LYSMD2: variants seen among roughly 807,000 people sequenced by gnomAD.
The protein encoded by LYSMD2 is LysM domain containing 2.
In LYSMD2, 6 loss-of-function variants were observed where a neutral mutation model predicts 17.7. The ratio of observed to expected loss-of-function variants is 0.34; its 90% confidence interval spans 0.19 to 0.67. The LOEUF (loss-of-function observed/expected upper bound fraction) is 0.67, where lower values mean the gene tolerates loss of function less well. LYSMD2 is among the 30% of genes least tolerant of loss of function. The pLI, the probability that LYSMD2 is intolerant of heterozygous loss-of-function variation, is 0.69. For missense variants in LYSMD2, 237 were observed against 286.7 expected, an observed-to-expected ratio of 0.83 and a Z score of 1.25; for synonymous variants, 102 against 129.8, an observed-to-expected ratio of 0.79 and a Z score of 1.45.
upstream of LYSMD2, chr15:51,737,704 C>T (rs2055621222): frequency 1.9e-6 from 2 of 1,032,994 alleles, no homozygotes; most frequent in African/African-American, 1.7e-5. The surrounding 1 kb of genome is among the most constrained non-coding windows in gnomAD (Gnocchi z 4.2). Flanking sequence ...GCCGCCTCTT[C>T]CTCTTCACAG....
chr15:51,734,462 G>A (rs918383188), intron 1 of LYSMD2, among the ~76,000 whole-genome samples: 5 of 152,090 alleles, frequency 3.3e-5, no homozygotes, highest in East Asian at 1.9e-4. Flanking sequence ...CCCCCTTGTC[G>A]GAGTCTCTGT....
intron 2 of LYSMD2, 98 bp downstream of exon 2, chr15:51,724,692 G>C: frequency 4.3e-6 from 3 of 691,256 alleles, no homozygotes; most frequent in Non-Finnish European, 6.4e-6. Context: ...GAAAAGAAAA[G>C]AAAAGGCAAA....
intron 1 of LYSMD2, among the ~76,000 whole-genome samples, chr15:51,750,940 T>C (rs1222758233): frequency 1.3e-5 from 2 of 152,166 alleles, no homozygotes; most frequent in African/African-American, 4.8e-5. Context: ...AAGAACTCCC[T>C]CGGAAACCCC....
chr15:51,748,455 C>T (rs1226795850), intron 1 of LYSMD2, among the ~76,000 whole-genome samples: 2 of 152,118 alleles, frequency 1.3e-5, no homozygotes, highest in African/African-American at 4.8e-5. Flanking sequence ...TTTTAATCAA[C>T]TCTAGGAAGC....
intron 1 of LYSMD2, among the ~76,000 whole-genome samples, chr15:51,730,364 C>T (rs970833561): frequency 6.6e-6 from 1 of 152,154 alleles, no homozygotes; most frequent in Non-Finnish European, 1.5e-5. Flanking sequence ...TCCCCCAAAA[C>T]ATTTAGCTGG....
upstream of LYSMD2, among the ~76,000 whole-genome samples, chr15:51,741,662 G>C (rs116909019): frequency 6.6e-6 from 1 of 152,140 alleles, no homozygotes; most frequent in Non-Finnish European, 1.5e-5. Context: ...GTTCTCGCCT[G>C]TTATTCCAGC....
chr15:51,723,503 G>T lies in LYSMD2; in HGVS notation c.*104C>A. Reference sequence around the variant, plus strand: ...ACTACCTAGTTATGATTTTAAGATGGACACTATAGGAATCCAGAAGGGATG... The same window carrying T: ...ACTACCTAGTTATGATTTTAAGATGTACACTATAGGAATCCAGAAGGGATG... On this transcript the variant is annotated 3_prime_UTR_variant, in exon 3 of 3. Coordinates refer to ENST00000267838, the MANE Select transcript of LYSMD2 (RefSeq NM_153374.3). The T allele has an allele frequency of 1.1e-6, 1 of 908,852 alleles. No homozygotes were observed. 56.3% of individuals were successfully genotyped at this position (908,852 alleles called of 1,614,324 possible).
At chr15:51,730,929 C>G (rs1274417018) in intron 1 of LYSMD2, among the ~76,000 whole-genome samples, 3 of 152,194 alleles carry the variant, frequency 2.0e-5, no homozygotes, top group Non-Finnish European at 4.4e-5. Flanking sequence ...TGAGACCAGA[C>G]CCCTCCATTG....
At chr15:51,733,188 C>T (rs1426842709) in intron 1 of LYSMD2, among the ~76,000 whole-genome samples, 3 of 152,072 alleles carry the variant, frequency 2.0e-5, no homozygotes, top group Non-Finnish European at 4.4e-5. Context: ...CAGATATCTG[C>T]ACAGCTCCCT....
chr15:51,736,756 C>CACCTAT (rs1012430040), intron 1 of LYSMD2, among the ~76,000 whole-genome samples: 1 of 41,488 alleles, frequency 2.4e-5, no homozygotes, highest in Non-Finnish European at 5.1e-5. Flanking sequence ...CCCTCCAGCT[C>CACCTAT]ACCACAGTTC....
At chr15:51,738,704 G>A (rs1406439795), upstream of LYSMD2, among the ~76,000 whole-genome samples, 2 of 152,092 alleles carry the variant, frequency 1.3e-5, no homozygotes, top group Non-Finnish European at 2.9e-5. Flanking sequence ...TTGATTCGTT[G>A]GCTGAAGTTT....
chr15:51,744,286 T>A (rs973597331), intron 1 of LYSMD2, among the ~76,000 whole-genome samples: 1 of 152,172 alleles, frequency 6.6e-6, no homozygotes, highest in Admixed American at 6.5e-5. Flanking sequence ...TTTTCATAGA[T>A]GTTCTTTATC....
In LYSMD2 at chr15:51,737,542, CGGCGGCGGCGAGG is replaced by C; in HGVS notation, c.68_80del (p.Pro23ArgfsTer16). 8.1e-7 allele frequency: 1 copy of C among 1,231,200 alleles called. No homozygotes were observed. Among genetic ancestry groups the C allele is most frequent in the Non-Finnish European group, 1.0e-6 (1 of 989,710 alleles). The allele number at this position is 1,231,200 out of a possible 1,614,324, so 76.3% of individuals were successfully genotyped here. On this transcript the variant is annotated frameshift_variant, in exon 1 of 3. Coordinates refer to ENST00000267838, the MANE Select transcript of LYSMD2 (RefSeq NM_153374.3). LOFTEE classifies it high-confidence loss of function. The surrounding 1 kb of genome is among the most constrained non-coding windows in gnomAD (Gnocchi z 4.2). Reference sequence around the variant, plus strand: ...CGGACTCGGAGCCGGAGCGCGAGCGCGGCGGCGGCGAGGGGGCCGAGGGCCGCGGCGCGCGGGG... The same window carrying C: ...CGGACTCGGAGCCGGAGCGCGAGCGCGGGCCGAGGGCCGCGGCGCGCGGGG...
chr15:51,727,262 C>A (rs1222598481), intron 1 of LYSMD2, among the ~76,000 whole-genome samples: 2 of 152,162 alleles, frequency 1.3e-5, no homozygotes, highest in East Asian at 3.9e-4. Context: ...AACGGCATTA[C>A]CCAGGTCCCC....
chr15:51,724,927 G>A lies in LYSMD2; in HGVS notation c.468C>T (p.Leu156=), dbSNP rs940600092. ...EEEPVVAGED[L]PPPSPQESDV... is the part of the protein sequence containing the mutation. ...CAGATTCTTGAGGACTGGGAGGAGG[G>A]AGGTCTTCCCCGGCCACCACTGGCT... The change falls in exon 2 of 3, where the codon CTC becomes CTT. Residue 156 remains leucine, a synonymous_variant. Transcript: ENST00000267838. 1.9e-5 allele frequency: 30 copies of A among 1,613,944 alleles called. No individual in the cohort carries two copies. The highest frequency in any genetic ancestry group is 2.7e-5 in the African/African-American group (2 of 74,902).
At chr15:51,742,795 TA>T (rs907592014) in intron 1 of LYSMD2, among the ~76,000 whole-genome samples, 7 of 151,756 alleles carry the variant, frequency 4.6e-5, no homozygotes, top group African/African-American at 1.7e-4. Context: ...TTTTGGTCTC[TA>T]AAAAAAATAG....
chr15:51,724,439 G>A (rs1274130270), intron 2 of LYSMD2, among the ~76,000 whole-genome samples: 1 of 152,126 alleles, frequency 6.6e-6, no homozygotes, highest in Non-Finnish European at 1.5e-5. Flanking sequence ...GTGCTAGCTG[G>A]ACAGTGACGC....
chr15:51,732,318 C>T (rs1190579093), intron 1 of LYSMD2, among the ~76,000 whole-genome samples: 1 of 152,174 alleles, frequency 6.6e-6, no homozygotes, highest in Non-Finnish European at 1.5e-5. Flanking sequence ...GCGGAGAACT[C>T]ACAACATGCC....
At chr15:51,749,105 T>A (rs2652595) in intron 1 of LYSMD2, among the ~76,000 whole-genome samples, 87 of 152,146 alleles carry the variant, frequency 5.7e-4, no homozygotes, top group Middle Eastern at 3.4e-3. Flanking sequence ...CATTTTCATC[T>A]TCTAAAAAGC....
Sources: gnomAD v4.1 joint callset for allele counts (sites outside exome capture counted in the v4.1 genomes callset) on GRCh38, gnomAD v4.1.1 for gene constraint, Gnocchi (gnomAD v3.1) non-coding constraint, MANE v1.5 for transcripts, NCBI Gene and HGNC (gene_info 2026-07-23, HGNC 2026-07-21) for gene names.